Variants in GON4L observed in about 807,000 individuals in gnomAD.
The protein encoded by GON4L is GON-4-like protein.
In GON4L, 87 loss-of-function variants were observed where a neutral mutation model predicts 211.8. That is an observed-to-expected ratio of 0.41 (90% CI 0.35 to 0.49). The LOEUF is 0.49. GON4L is among the 20% of genes least tolerant of loss of function. GON4L has a pLI of 0.15. For synonymous variants in GON4L, 875 were observed against 962.6 expected, an observed-to-expected ratio of 0.91 and a Z score of 1.68; for missense variants, 2,155 against 2,659.5, an observed-to-expected ratio of 0.81 and a Z score of 4.17.
At chr1:155,837,636 C>T (rs991110310) in intron 2 of GON4L, among the ~76,000 whole-genome samples, 1 of 152,054 alleles carries the variant, frequency 6.6e-6, no homozygotes, top group South Asian at 2.1e-4. Flanking sequence ...CTCTCTCCCC[C>T]ACCAGAGAAA....
intron 22 of GON4L, among the ~76,000 whole-genome samples, chr1:155,762,669 G>A (rs748795412): frequency 2.6e-5 from 4 of 152,212 alleles, no homozygotes; most frequent in Non-Finnish European, 5.9e-5. Context: ...ATGTCTTGAT[G>A]AGGAACAAGC....
In GON4L at chr1:155,853,339, C is replaced by T; in HGVS notation, c.442G>A (p.Asp148Asn). The change falls in exon 2 of 32, where the codon GAT becomes AAT. Residue 148 changes from aspartate to asparagine, a missense_variant. Asp to Asn is a conservative substitution (Grantham distance 23, BLOSUM62 1). Transcript: ENST00000368331. Reference protein sequence around the residue: ...PGPVTQEDRCDHLTLKEPFSG... With the variant: ...PGPVTQEDRCNHLTLKEPFSG... ...AAAGGCTCCTTTAGGGTAAGATGAT[C>T]ACATCTGTCTTCTTGGGTAACTGGC... The T allele has an allele frequency of 6.2e-7, 1 of 1,613,906 alleles. No individual in the cohort carries two copies. The highest frequency in any genetic ancestry group is 8.5e-7 in the Non-Finnish European group (1 of 1,179,800).
chr1:155,820,752 G>T, intron 5 of GON4L, 96 bp from the exon 6 acceptor site: 1 of 887,432 alleles, frequency 1.1e-6, no homozygotes. Context: ...GGGCCAAGGT[G>T]GGAGGATGGC....
At chr1:155,849,543 CAAA>C (rs916595257) in intron 2 of GON4L, among the ~76,000 whole-genome samples, 3 of 46,996 alleles carry the variant, frequency 6.4e-5, no homozygotes, top group East Asian at 6.7e-4. Flanking sequence ...GACTCTGTCT[CAAA>C]AAAAAAAAAA....
intron 2 of GON4L, among the ~76,000 whole-genome samples, chr1:155,834,204 T>C (rs1160964526): frequency 6.6e-6 from 1 of 152,186 alleles, no homozygotes; most frequent in Admixed American, 6.5e-5. Context: ...ATCATCAATC[T>C]TCAAATGTAA....
At chr1:155,855,180 A>C (rs895024788) in intron 1 of GON4L, among the ~76,000 whole-genome samples, 3 of 152,180 alleles carry the variant, frequency 2.0e-5, no homozygotes, top group Non-Finnish European at 2.9e-5. Context: ...GGCATTACTG[A>C]CCTAAACCAG....
intron 24 of GON4L, among the ~76,000 whole-genome samples, chr1:155,759,499 A>G (rs1051831048): frequency 1.3e-5 from 2 of 151,778 alleles, no homozygotes; most frequent in Non-Finnish European, 2.9e-5. Flanking sequence ...GCTTGAACCC[A>G]GGAGGCGGAG....
At chr1:155,797,582 G>A (rs1204077691) in intron 11 of GON4L, among the ~76,000 whole-genome samples, 3 of 150,532 alleles carry the variant, frequency 2.0e-5, no homozygotes, top group Non-Finnish European at 3.0e-5. Context: ...GGTGGCTCAC[G>A]CCTGTAATCC....
chr1:155,831,867 G>A (rs1462557166), intron 2 of GON4L, among the ~76,000 whole-genome samples: 1 of 151,990 alleles, frequency 6.6e-6, no homozygotes, highest in Non-Finnish European at 1.5e-5. Context: ...CTGGATGACA[G>A]GGTGAGACCT....
rs772981145 is a variant in GON4L, at chr1:155,765,788, C to T, written c.3685G>A (p.Val1229Met). ...STPEDKAHVNVDIACAVADGE... is the reference protein window; with the variant it reads ...STPEDKAHVNMDIACAVADGE... Reference sequence around the variant, plus strand: ...TCAGCCACAGCACAAGCAATGTCCACATTCACGTGGGCCTTATCTTCAGGG... The same window carrying T: ...TCAGCCACAGCACAAGCAATGTCCATATTCACGTGGGCCTTATCTTCAGGG... The change falls in exon 21 of 32, where the codon GTG (valine) becomes ATG (methionine). Residue 1229 changes from valine (V) to methionine (M), a missense_variant. By Grantham distance (21) the Val-to-Met change is conservative (BLOSUM62 1). Transcript: ENST00000368331. The T allele has an allele frequency of 8.7e-6, 14 of 1,614,202 alleles. No individual in the cohort carries two copies. Among genetic ancestry groups the T allele is most frequent in the Admixed American group, 6.7e-5 (4 of 60,014 alleles).
intron 9 of GON4L, 32 bp from the exon 10 acceptor site, chr1:155,813,836 G>A: frequency 6.3e-7 from 1 of 1,595,470 alleles, no homozygotes; most frequent in Non-Finnish European, 8.6e-7. Flanking sequence ...ATCAAAAAAG[G>A]AAGGAGGTAA....
chr1:155,803,246 TC>T (rs1340956899), intron 11 of GON4L, among the ~76,000 whole-genome samples: 1 of 151,706 alleles, frequency 6.6e-6, no homozygotes, highest in African/African-American at 2.4e-5. Context: ...TATTTCTTTT[TC>T]TTTTTTTTTT....
Position 155,805,037 on chromosome 1 carries a change from A to T in GON4L, c.1557T>A (p.Thr519=). ...CCGTATTGGGGTCATACATATCTGG[A>T]GTGATGTCTGGAGCTTGGAGCTCTG... ...LEAELQAPDI[T]PDMYDPNTAD... The change falls in exon 11 of 32, where the codon ACT becomes ACA. Residue 519 remains threonine (T), a synonymous_variant. Coordinates refer to ENST00000368331, the MANE Select transcript of GON4L (RefSeq NM_001282860.2). 6.2e-7 allele frequency: 1 copy of T among 1,613,488 alleles called. No homozygotes were observed. The highest frequency in any genetic ancestry group is 8.5e-7 in the Non-Finnish European group (1 of 1,179,462).
In GON4L at chr1:155,853,789, T is replaced by C; in HGVS notation, c.-9A>G. The C allele has an allele frequency of 6.2e-7, 1 of 1,611,446 alleles. No homozygotes were observed. Among genetic ancestry groups the C allele is most frequent in the South Asian group, 1.1e-5 (1 of 91,006 alleles). ...TTCTTACAGGGCAACATTTTAAAAG[T>C]CCCACTTTTGTTCCATTCTGAAAGA... is the stretch of plus-strand genomic sequence containing the variant. On this transcript the variant is annotated 5_prime_UTR_variant, in exon 2 of 32. Coordinates refer to ENST00000368331, the MANE Select transcript of GON4L (RefSeq NM_001282860.2).
chr1:155,768,676 C>T (rs966947186), intron 19 of GON4L, among the ~76,000 whole-genome samples: 2 of 151,530 alleles, frequency 1.3e-5, no homozygotes, highest in African/African-American at 4.9e-5. Context: ...AACTCCTGGG[C>T]TCAAGTAATT....
At chr1:155,773,533 T>A in intron 17 of GON4L, 1 of 288,296 alleles carries the variant, frequency 3.5e-6, no homozygotes, top group Non-Finnish European at 6.6e-6. Context: ...TTTTACCTCC[T>A]TCCCCCCTTA....
intron 18 of GON4L, among the ~76,000 whole-genome samples, chr1:155,772,591 A>C (rs918229913): frequency 1.5e-5 from 2 of 132,874 alleles, no homozygotes; most frequent in African/African-American, 5.8e-5. Context: ...TCATCTCTAC[A>C]AAAAAAAAAA....
At chr1:155,819,143 A>T (rs1187264195) in intron 6 of GON4L, among the ~76,000 whole-genome samples, 1 of 144,068 alleles carries the variant, frequency 6.9e-6, no homozygotes, top group Non-Finnish European at 1.5e-5. Flanking sequence ...ATTTTAAAAA[A>T]TACAAAAAAA....
At chr1:155,775,969 G>T (rs780691227) in intron 16 of GON4L, among the ~76,000 whole-genome samples, 1 of 152,064 alleles carries the variant, frequency 6.6e-6, no homozygotes, top group Non-Finnish European at 1.5e-5. Flanking sequence ...ATTTTGTAGA[G>T]ACGGGCTTTC....
Sources: allele counts gnomAD v4.1 joint callset (sites outside exome capture counted in the v4.1 genomes callset), GRCh38; gene constraint gnomAD v4.1.1; transcripts MANE v1.5; gene names NCBI Gene and HGNC (gene_info 2026-07-23, HGNC 2026-07-21).